The following ITGB1BP1 variants were observed in gnomAD, a reference collection of about 807,000 sequenced individuals.
ITGB1BP1 encodes integrin beta-1-binding protein 1.
Under a neutral mutation model 28.0 loss-of-function variants are expected in ITGB1BP1, and 20 were observed. The ratio of observed to expected loss-of-function variants is 0.71; its 90% CI spans 0.50 to 1.04. ITGB1BP1 has a LOEUF of 1.04. Ranked by LOEUF, ITGB1BP1 falls within the 50% of genes least tolerant of loss-of-function variation. The pLI is 0.00. For synonymous variants in ITGB1BP1, 103 were observed against 89.5 expected, an observed-to-expected ratio of 1.15 and a Z score of -0.85; for missense variants, 228 against 242.5, an observed-to-expected ratio of 0.94 and a Z score of 0.40.
At chr2:9,420,705 C>T (rs1679721597) in intron 1 of ITGB1BP1, among the ~76,000 whole-genome samples, 2 of 152,188 alleles carry the variant, frequency 1.3e-5, no homozygotes, top group South Asian at 2.1e-4. Flanking sequence ...CCACAGAAGG[C>T]CAGGCAGGCC....
Position 9,407,485 on chromosome 2 carries a change from C to G in ITGB1BP1, c.495G>C (p.Glu165Asp). 4 of 1,614,214 alleles carry G rather than the reference C, an allele frequency of 2.5e-6. No individual in the cohort carries two copies. Among genetic ancestry groups the G allele is most frequent in the African/African-American group, 1.3e-5 (1 of 75,050 alleles). Residue 165 changes from glutamate to aspartate, a missense_variant, in exon 6 of 7, where the codon GAG (glutamate) becomes GAC (aspartate). This residue lies in a region of ITGB1BP1 where 192 missense variants were observed against 181.6 expected (regional missense o/e 1.06). Coordinates refer to ENST00000355346, the MANE Select transcript of ITGB1BP1 (RefSeq NM_004763.5). ...ACTGATAAACCCACAGGCTGTATTC[C>G]TCATTGCTTGCATCTGTGGTCTTCA... is the stretch of plus-strand genomic sequence containing the variant. ...LALKTTDASN[E>D]EYSLWVYQCN...
chr2:9,414,779 C>T (rs1678907239), intron 2 of ITGB1BP1, among the ~76,000 whole-genome samples: 1 of 152,206 alleles, frequency 6.6e-6, no homozygotes, highest in African/African-American at 2.4e-5. Flanking sequence ...AGTGCTTCTG[C>T]AATTATTCTG....
rs150608473 is a variant in ITGB1BP1 at position 9,411,257 on chromosome 2, A to G, written c.288+1012T>C. ...TTCTTGTTGGAAACCTTGCATGAAT[A>G]AACAGATATGTTAGGTGGACATCAT... is the stretch of plus-strand genomic sequence containing the variant. On this transcript the variant is annotated intron_variant, in intron 4 of 6. Transcript: ENST00000355346. 2.9e-3 allele frequency among the ~76,000 whole-genome samples: 436 copies of G among 152,354 alleles called. 2 individuals carry two copies. The highest frequency in any genetic ancestry group is 9.6e-3 in the African/African-American group (398 of 41,580).
intron 1 of ITGB1BP1, chr2:9,422,979 T>C: frequency 1.7e-5 from 17 of 986,936 alleles, no homozygotes; most frequent in Non-Finnish European, 2.0e-5. Context: ...TCTGTCACCG[T>C]GATGGAGCAC....
At chr2:9,423,338 C>A (rs1481557028) in intron 1 of ITGB1BP1, 35 bp downstream of exon 1, 1 of 1,216,516 alleles carries the variant, frequency 8.2e-7, no homozygotes, top group Non-Finnish European at 1.0e-6. Context: ...CCTCCGCGAG[C>A]TCGGCCCCAA....
chr2:9,409,649 T>C (rs911916604), intron 4 of ITGB1BP1, among the ~76,000 whole-genome samples: 1 of 152,260 alleles, frequency 6.6e-6, no homozygotes, highest in Admixed American at 6.5e-5. Context: ...CATTTTTTTT[T>C]CTCATCAACA....
intron 2 of ITGB1BP1, 40 bp from the exon 3 acceptor site, chr2:9,414,296 C>T (rs968696254): frequency 6.7e-6 from 10 of 1,492,870 alleles, no homozygotes; most frequent in Non-Finnish European, 9.3e-6. Context: ...TCCACTGAAG[C>T]AGCCCTGTCT....
At chr2:9,420,636 G>C (rs1367768883) in intron 1 of ITGB1BP1, among the ~76,000 whole-genome samples, 1 of 152,192 alleles carries the variant, frequency 6.6e-6, no homozygotes, top group African/African-American at 2.4e-5. Context: ...GGTGGAGAGG[G>C]GCCCGAGGGA....
chr2:9,406,946 GTC>G (rs777880320), intron 6 of ITGB1BP1, 41 bp from the exon 7 acceptor site: 2 of 1,462,964 alleles, frequency 1.4e-6, no homozygotes, highest in Non-Finnish European at 1.9e-6. Flanking sequence ...ACATTCATCT[GTC>G]TCTTCGTGAA....
rs565465383 is a variant in ITGB1BP1, at chr2:9,415,650, G to A, written c.73-1394C>T. Reference sequence around the variant, plus strand: ...TCCCTGTAGGGTCCCCACGCTTAAGGCTGAGGAAGTGGCAGTAGGGAGGTT... The same window carrying A: ...TCCCTGTAGGGTCCCCACGCTTAAGACTGAGGAAGTGGCAGTAGGGAGGTT... On this transcript the variant is annotated intron_variant, in intron 2 of 6. Transcript: ENST00000355346. The surrounding 1 kb of genome is among the most constrained non-coding windows in gnomAD (Gnocchi z 4.1). Among the ~76,000 whole-genome samples, 3 of 152,300 alleles carry A rather than the reference G, an allele frequency of 2.0e-5. No individual in the cohort carries two copies. Among genetic ancestry groups the A allele is most frequent in the South Asian group, 4.1e-4 (2 of 4,824 alleles).
At position 9,404,857 on chromosome 2, in the gene ITGB1BP1, ATG is replaced by A. The variant is rs1193061239; in HGVS notation, c.*1975_*1976del. ...TTACCTTTCAAAGTTCCGGGTAAAA[ATG>A]TGTTATATCTGTAGTTTTTTGTTTT... On this transcript the variant is annotated 3_prime_UTR_variant, in exon 7 of 7. Transcript: ENST00000355346. 2.6e-5 allele frequency: 4 copies of A among 152,498 alleles called. No individual in the cohort carries two copies. Among genetic ancestry groups the A allele is most frequent in the African/African-American group, 9.7e-5 (4 of 41,404 alleles). The allele number at this position is 152,498 out of a possible 1,614,324, so 9.4% of individuals were successfully genotyped here. A position where few individuals can be genotyped will look rare whatever the true frequency, so the allele number is the denominator to read the frequency against.
chr2:9,412,675 G>T (rs922680525), intron 3 of ITGB1BP1: 1 of 278,256 alleles, frequency 3.6e-6, no homozygotes, highest in Non-Finnish European at 6.6e-6. Context: ...AAACAGTAAA[G>T]AAAAGGTTAC....
Position 9,404,943 on chromosome 2 carries a change from T to G in ITGB1BP1, c.*1891A>C, listed in dbSNP as rs548809606. 2 of 152,712 alleles carry G rather than the reference T, an allele frequency of 1.3e-5. No individual in the cohort carries two copies. The highest frequency in any genetic ancestry group is 1.3e-4 in the Admixed American group (2 of 15,290). 9.5% of individuals were successfully genotyped at this position (152,712 alleles called of 1,614,324 possible). On this transcript the variant is annotated 3_prime_UTR_variant, in exon 7 of 7. Coordinates refer to ENST00000355346, the MANE Select transcript of ITGB1BP1 (RefSeq NM_004763.5). ...TAATTGTTAATTTCTGTTTGAACCC[T>G]TCATTTAATTTTCTCATAGATTTAA...
intron 4 of ITGB1BP1, among the ~76,000 whole-genome samples, chr2:9,410,683 G>T (rs1198198993): frequency 6.6e-6 from 1 of 151,932 alleles, no homozygotes; most frequent in East Asian, 1.9e-4. Context: ...CAAGTGATCT[G>T]CCCCCCTTGG....
rs1680173088 is a variant in ITGB1BP1 at position 9,423,506 on chromosome 2, C to G, written c.-169G>C. ...TTTCCAGCCCTCCTGCCCACGTCCG[C>G]CGGGCCGCGCCTCCAAGACTATGCG... On this transcript the variant is annotated 5_prime_UTR_variant, in exon 1 of 7. Transcript: ENST00000355346. The G allele has an allele frequency of 1.7e-6, 2 of 1,181,026 alleles. No homozygotes were observed. The highest frequency in any genetic ancestry group is 3.8e-5 in the South Asian group (2 of 52,978). The allele number at this position is 1,181,026 out of a possible 1,614,324, so 73.2% of individuals were successfully genotyped here. A position where few individuals can be genotyped will look rare whatever the true frequency, so the allele number is the denominator to read the frequency against.
chr2:9,410,207 T>C (rs940531479), intron 4 of ITGB1BP1, among the ~76,000 whole-genome samples: 3 of 152,140 alleles, frequency 2.0e-5, no homozygotes, highest in African/African-American at 4.8e-5. Flanking sequence ...GTATCTTCCT[T>C]TACTTTCATA....
At chr2:9,409,163 T>G (rs1677974962) in intron 4 of ITGB1BP1, among the ~76,000 whole-genome samples, 1 of 152,154 alleles carries the variant, frequency 6.6e-6, no homozygotes, top group African/African-American at 2.4e-5. Context: ...CGGTCTCGGC[T>G]CCCAGACCGG....
At chr2:9,407,367 A>G (rs1677621272) in intron 6 of ITGB1BP1, 82 bp downstream of exon 6, 2 of 1,466,896 alleles carry the variant, frequency 1.4e-6, no homozygotes, top group African/African-American at 1.4e-5. Flanking sequence ...AATGGATTGT[A>G]TTTCTTCAGC....
Position 9,406,924 on chromosome 2 carries a change from A to T in ITGB1BP1, c.532-19T>A. Reference sequence around the variant, plus strand: ...CTTGTTCCTACATTACATGAAAGATAGAGTAAGAGCAACATTCATCTGTCT... The same window carrying T: ...CTTGTTCCTACATTACATGAAAGATTGAGTAAGAGCAACATTCATCTGTCT... On this transcript the variant is annotated intron_variant, in intron 6 of 6. Transcript: ENST00000355346. 1 of 1,576,202 alleles carries T rather than the reference A, an allele frequency of 6.3e-7. No homozygotes were observed. The highest frequency in any genetic ancestry group is 1.1e-5 in the South Asian group (1 of 90,280).
Sources: allele counts gnomAD v4.1 joint callset (sites outside exome capture counted in the v4.1 genomes callset), GRCh38; gene constraint gnomAD v4.1.1; regional missense constraint gnomAD v4.1.1; non-coding constraint Gnocchi (gnomAD v3.1); transcripts MANE v1.5; gene names NCBI Gene and HGNC (gene_info 2026-07-23, HGNC 2026-07-21).